Variants in GRIK4 observed in about 807,000 individuals in gnomAD.
GRIK4 encodes the protein glutamate receptor ionotropic, kainate 4.
In GRIK4, 40 loss-of-function variants were observed where a neutral mutation model predicts 104.9. The ratio of observed to expected loss-of-function variants is 0.38; its 90% CI spans 0.30 to 0.50. The LOEUF is 0.50. GRIK4 is among the 20% of genes least tolerant of loss of function. The pLI is 0.93. For missense variants in GRIK4, 1,047 were observed against 1,308.1 expected (o/e 0.80, Z 3.08); for synonymous variants, 485 against 524.9 (o/e 0.92, Z 1.04).
intron 8 of GRIK4, among the ~76,000 whole-genome samples, chr11:120,856,292 C>T (rs2135614189): frequency 6.6e-6 from 1 of 152,188 alleles, no homozygotes; most frequent in East Asian, 1.9e-4. Context: ...CTAATACATG[C>T]TACTGTTTCC....
intron 6 of GRIK4, among the ~76,000 whole-genome samples, chr11:120,822,004 G>A (rs1374164313): frequency 1.3e-5 from 2 of 152,098 alleles, no homozygotes; most frequent in African/African-American, 2.4e-5. Flanking sequence ...GACATCAGGA[G>A]TTTGAGACCA....
intron 11 of GRIK4, among the ~76,000 whole-genome samples, chr11:120,892,581 G>T (rs955223289): frequency 6.6e-6 from 1 of 152,126 alleles, no homozygotes; most frequent in Admixed American, 6.5e-5. Flanking sequence ...CTGATGCCAG[G>T]TGACACACTG....
intron 13 of GRIK4, among the ~76,000 whole-genome samples, chr11:120,922,865 C>T (rs578254430): frequency 6.6e-6 from 1 of 152,354 alleles, no homozygotes; most frequent in South Asian, 2.1e-4. Flanking sequence ...ATGCCAAGCT[C>T]TGGCCCTAGC....
chr11:120,855,446 T>C (rs1015699349), intron 8 of GRIK4, among the ~76,000 whole-genome samples: 1 of 152,216 alleles, frequency 6.6e-6, no homozygotes, highest in Non-Finnish European at 1.5e-5. Flanking sequence ...ATTGTAGTAG[T>C]TATTATTAGA....
intron 1 of GRIK4, among the ~76,000 whole-genome samples, chr11:120,535,971 A>G (rs906457124): frequency 2.6e-5 from 4 of 152,184 alleles, no homozygotes; most frequent in Non-Finnish European, 5.9e-5. Context: ...CGCTGCATGT[A>G]TCTCATGCTG....
chr11:120,634,931 G>A (rs1949379137), intron 1 of GRIK4, among the ~76,000 whole-genome samples: 1 of 152,266 alleles, frequency 6.6e-6, no homozygotes, highest in South Asian at 2.1e-4. Flanking sequence ...AGATGCGAAC[G>A]TCCCCCTTGC....
chr11:120,647,001 C>A (rs951347203), intron 1 of GRIK4, among the ~76,000 whole-genome samples: 1 of 152,154 alleles, frequency 6.6e-6, no homozygotes, highest in Non-Finnish European at 1.5e-5. Context: ...AGTGGCAAAA[C>A]CAGGTTTGAA....
chr11:120,808,157 TA>T (rs1952755147), intron 4 of GRIK4, among the ~76,000 whole-genome samples: 1 of 152,130 alleles, frequency 6.6e-6, no homozygotes, highest in Non-Finnish European at 1.5e-5. Context: ...AGAGTGTACA[TA>T]GGGGCAGAGG....
intron 15 of GRIK4, among the ~76,000 whole-genome samples, chr11:120,954,438 A>C (rs1406826898): frequency 6.7e-6 from 1 of 149,234 alleles, no homozygotes; most frequent in Non-Finnish European, 1.5e-5. Flanking sequence ...TCCCCTCTCC[A>C]CTTTGCCACA....
At chr11:120,674,313 A>G (rs908875933) in intron 3 of GRIK4, among the ~76,000 whole-genome samples, 6 of 152,212 alleles carry the variant, frequency 3.9e-5, no homozygotes, top group African/African-American at 1.4e-4. Flanking sequence ...CTCTAGGTTC[A>G]GAGCCCCTTG....
intron 15 of GRIK4, among the ~76,000 whole-genome samples, chr11:120,955,664 C>T (rs1944127647): frequency 6.6e-6 from 1 of 152,190 alleles, no homozygotes; most frequent in Non-Finnish European, 1.5e-5. Context: ...CCCACCTCAC[C>T]CCAAGGCACA....
chr11:120,543,744 CCTCT>C (rs904693655), intron 1 of GRIK4, among the ~76,000 whole-genome samples: 1 of 152,154 alleles, frequency 6.6e-6, no homozygotes, highest in African/African-American at 2.4e-5. Context: ...AGAGAGTGTT[CCTCT>C]TGGAAGAATG....
chr11:120,804,469 T>G (rs954039271), intron 4 of GRIK4, among the ~76,000 whole-genome samples: 5 of 152,194 alleles, frequency 3.3e-5, no homozygotes, highest in African/African-American at 1.2e-4. Flanking sequence ...ACAGCTTCCT[T>G]CTTGCTCCTG....
At position 120,874,130 on chromosome 11, in the gene GRIK4, G is replaced by T. The variant is rs779846238; in HGVS notation, c.971G>T (p.Arg324Leu). 1 of 1,613,854 alleles carries T rather than the reference G, an allele frequency of 6.2e-7. No individual in the cohort carries two copies. The highest frequency in any genetic ancestry group is 1.6e-4 in the Middle Eastern group (1 of 6,084). Residue 324 changes from arginine (R) to leucine (L), a missense_variant, in exon 10 of 21, where the codon CGG becomes CTG. Transcript: ENST00000527524. Reference sequence around the variant, plus strand: ...GTGACTGCGGTGCAGGAACTGAACCGGAGCCAAGAGATCGGCGTGAAGCCC... The same window carrying T: ...GTGACTGCGGTGCAGGAACTGAACCTGAGCCAAGAGATCGGCGTGAAGCCC... ...AVVTAVQELNRSQEIGVKPLS... is the reference protein window; with the variant it reads ...AVVTAVQELNLSQEIGVKPLS...
chr11:120,609,740 C>T (rs1159804424), intron 1 of GRIK4, among the ~76,000 whole-genome samples: 1 of 152,070 alleles, frequency 6.6e-6, no homozygotes, highest in Non-Finnish European at 1.5e-5. Flanking sequence ...TCTCGAACTC[C>T]TGACCTCAGG....
chr11:120,834,634 A>C (rs1374495158), intron 7 of GRIK4, among the ~76,000 whole-genome samples: 1 of 152,150 alleles, frequency 6.6e-6, no homozygotes, highest in Non-Finnish European at 1.5e-5. Flanking sequence ...CAGGGAGCAC[A>C]CGGGGCCTCT....
intron 3 of GRIK4, among the ~76,000 whole-genome samples, chr11:120,721,500 A>G (rs949244922): frequency 1.3e-5 from 2 of 152,206 alleles, no homozygotes; most frequent in East Asian, 1.9e-4. Flanking sequence ...GGGGAGCCAC[A>G]TGGGAGGTCC....
intron 1 of GRIK4, among the ~76,000 whole-genome samples, chr11:120,635,914 C>G (rs1447168015): frequency 6.6e-6 from 1 of 152,216 alleles, no homozygotes; most frequent in Non-Finnish European, 1.5e-5. Flanking sequence ...TTACTAGTTG[C>G]TCCTCTCAGA....
intron 3 of GRIK4, among the ~76,000 whole-genome samples, chr11:120,784,061 A>C (rs1952215340): frequency 6.6e-6 from 1 of 152,172 alleles, no homozygotes; most frequent in Non-Finnish European, 1.5e-5. Context: ...GGTACTCCCC[A>C]GCATGTAGAA....
Sources: gnomAD v4.1 joint callset for allele counts (sites outside exome capture counted in the v4.1 genomes callset) on GRCh38, gnomAD v4.1.1 for gene constraint, MANE v1.5 for transcripts, NCBI Gene and HGNC (gene_info 2026-07-23, HGNC 2026-07-21) for gene names.